The following ASPH variants were observed in gnomAD, a reference collection of about 807,000 sequenced individuals.
The protein encoded by ASPH is aspartyl/asparaginyl beta-hydroxylase.
Under a neutral mutation model 118.4 loss-of-function variants are expected in ASPH, and 100 were observed. That is an observed-to-expected ratio of 0.84 (90% CI 0.72 to 1.00). ASPH has a LOEUF of 1.00. Among genes scored for constraint, ASPH ranks in the 50% least tolerant of loss-of-function variants. The pLI, the probability that ASPH is intolerant of heterozygous loss-of-function variation, is 0.00. For synonymous variants in ASPH, 315 were observed against 325.6 expected, an observed-to-expected ratio of 0.97 and a Z score of 0.35; for missense variants, 920 against 919.5, an observed-to-expected ratio of 1.00 and a Z score of -0.01.
chr8:61,620,197 G>T (rs1228824638), intron 13 of ASPH, among the ~76,000 whole-genome samples: 1 of 152,198 alleles, frequency 6.6e-6, no homozygotes, highest in African/African-American at 2.4e-5. Flanking sequence ...GCCAGGCTAA[G>T]TGCTAAGCAC....
intron 21 of ASPH, among the ~76,000 whole-genome samples, chr8:61,545,386 GA>G (rs1435654196): frequency 1.3e-5 from 2 of 152,160 alleles, no homozygotes; most frequent in Admixed American, 6.5e-5. Context: ...ATAAGCCACC[GA>G]GTTTATGGCA....
chr8:61,591,802 A>G (rs1345736740), intron 14 of ASPH, among the ~76,000 whole-genome samples: 1 of 151,930 alleles, frequency 6.6e-6, no homozygotes, highest in Non-Finnish European at 1.5e-5. Flanking sequence ...ACTCTTAACC[A>G]TTTTGCTATA....
At chr8:61,673,831 C>T (rs1823870368) in intron 3 of ASPH, among the ~76,000 whole-genome samples, 1 of 152,114 alleles carries the variant, frequency 6.6e-6, no homozygotes, top group South Asian at 2.1e-4. Flanking sequence ...CACACACACA[C>T]ACACACAAGC....
At position 61,579,269 on chromosome 8, in the gene ASPH, C is replaced by A. The variant is rs551098053; in HGVS notation, c.1063-2411G>T. On this transcript the variant is annotated intron_variant, in intron 15 of 24. Coordinates refer to ENST00000379454, the MANE Select transcript of ASPH (RefSeq NM_004318.4). ...GAGAGCTGGCCATTAAGGATGCCAA[C>A]GCCAAGTTGTCCGAGCTGGAGGCTG... The A allele has an allele frequency of 7.4e-5, 120 of 1,614,014 alleles. No homozygotes were observed. In the African/African-American group the frequency reaches 1.4e-3, roughly 19 times the overall value.
At chr8:61,669,149 G>A (rs1285307351) in intron 3 of ASPH, among the ~76,000 whole-genome samples, 1 of 152,174 alleles carries the variant, frequency 6.6e-6, no homozygotes, top group Non-Finnish European at 1.5e-5. Context: ...GTGGTCACAA[G>A]AAAGTCCCCA....
At chr8:61,531,650 A>C (rs561127787) in intron 21 of ASPH, among the ~76,000 whole-genome samples, 2 of 152,068 alleles carry the variant, frequency 1.3e-5, no homozygotes, top group African/African-American at 2.4e-5. Flanking sequence ...GTTGATATAC[A>C]TCTTATAACT....
chr8:61,578,398 T>C (rs1836090666), intron 15 of ASPH: 3 of 1,604,522 alleles, frequency 1.9e-6, no homozygotes, highest in South Asian at 2.2e-5. Context: ...GCCAGCGGCA[T>C]GGGAGGCATC....
intron 14 of ASPH, among the ~76,000 whole-genome samples, chr8:61,611,908 A>G (rs1390512683): frequency 6.6e-6 from 1 of 152,220 alleles, no homozygotes; most frequent in Non-Finnish European, 1.5e-5. Context: ...ACACACCAAC[A>G]GTCCTCAGAA....
intron 19 of ASPH, 92 bp downstream of exon 19, chr8:61,555,832 G>T (rs897023667): frequency 1.8e-6 from 2 of 1,091,990 alleles, no homozygotes; most frequent in Non-Finnish European, 2.7e-6. Context: ...ACTCAGCAGT[G>T]CATGCAATCA....
chr8:61,561,707 T>G (rs1284432567), intron 18 of ASPH, among the ~76,000 whole-genome samples: 4 of 152,140 alleles, frequency 2.6e-5, no homozygotes, highest in Non-Finnish European at 5.9e-5. Context: ...GAGGGTCACT[T>G]GTGGCCAGGA....
intron 21 of ASPH, among the ~76,000 whole-genome samples, chr8:61,536,521 T>G (rs1242568622): frequency 2.0e-5 from 3 of 152,116 alleles, no homozygotes; most frequent in East Asian, 3.9e-4. Flanking sequence ...TCAGGCATGC[T>G]CTGAGTGGGG....
At chr8:61,522,351 GA>G (rs1374388746) in intron 22 of ASPH, among the ~76,000 whole-genome samples, 29 of 152,272 alleles carry the variant, frequency 1.9e-4, no homozygotes, top group Middle Eastern at 6.8e-3. Flanking sequence ...TCTGGAGGCT[GA>G]AAGTCCAAAA....
At chr8:61,622,358 CAAAA>C (rs1588214544) in intron 13 of ASPH, among the ~76,000 whole-genome samples, 1 of 152,234 alleles carries the variant, frequency 6.6e-6, no homozygotes, top group Middle Eastern at 3.4e-3. Flanking sequence ...AATAAACAAA[CAAAA>C]AACAGATATA....
intron 13 of ASPH, among the ~76,000 whole-genome samples, chr8:61,627,509 C>T (rs868486204): frequency 4.8e-4 from 73 of 152,124 alleles, no homozygotes; most frequent in African/African-American, 1.3e-3. Context: ...GTAACGGGTA[C>T]GAGTATATAT....
intron 18 of ASPH, 125 bp downstream of exon 18, chr8:61,562,619 A>G: frequency 1.0e-6 from 1 of 982,134 alleles, no homozygotes; most frequent in Non-Finnish European, 1.4e-6. Flanking sequence ...GAATATGTTA[A>G]CTATAATAAT....
intron 13 of ASPH, among the ~76,000 whole-genome samples, chr8:61,621,267 T>C (rs539949272): frequency 1.4e-4 from 21 of 149,752 alleles, no homozygotes; most frequent in Admixed American, 2.7e-4. Flanking sequence ...ACAGAGATAA[T>C]AGTAATACTT....
Position 61,500,907 on chromosome 8 carries a change from CT to C in ASPH, c.*2451del, listed in dbSNP as rs1259271609. 51 of 152,172 alleles carry C rather than the reference CT, an allele frequency of 3.4e-4. No individual in the cohort carries two copies. The highest frequency in any genetic ancestry group is 1.1e-3 in the African/African-American group (45 of 41,528). The allele number at this position is 152,172 out of a possible 1,614,324, so 9.4% of individuals were successfully genotyped here. A position where few individuals can be genotyped will look rare whatever the true frequency, so the allele number is the denominator to read the frequency against. ...ATTATTCAACTGGTCATAATCACCC[CT>C]GATAATATTATTACTAATCTTAATT... On this transcript the variant is annotated 3_prime_UTR_variant, in exon 25 of 25. Transcript: ENST00000379454.
chr8:61,549,472 G>T (rs974228852), intron 20 of ASPH, among the ~76,000 whole-genome samples: 1 of 152,130 alleles, frequency 6.6e-6, no homozygotes, highest in Non-Finnish European at 1.5e-5. Flanking sequence ...TATGAAAAAT[G>T]ATTTTCTTAT....
chr8:61,502,709 A>AC lies in ASPH; in HGVS notation c.*649_*650insG, dbSNP rs1421136633. 6.2e-4 allele frequency: 95 copies of AC among 152,326 alleles called. No homozygotes were observed. The highest frequency in any genetic ancestry group is 2.2e-3 in the African/African-American group (92 of 41,586). The allele number at this position is 152,326 out of a possible 1,614,324, so 9.4% of individuals were successfully genotyped here. A position where few individuals can be genotyped will look rare whatever the true frequency, so the allele number is the denominator to read the frequency against. On this transcript the variant is annotated 3_prime_UTR_variant, in exon 25 of 25. Coordinates refer to ENST00000379454, the MANE Select transcript of ASPH (RefSeq NM_004318.4). ...TAGTGAGAAGAGGATCTCAATCAAGATAAAAAAAACCAAACGATTTGAGAG... is the reference window on the plus strand; with the variant it reads ...TAGTGAGAAGAGGATCTCAATCAAGACTAAAAAAAACCAAACGATTTGAGAG...
Sources: gnomAD v4.1 joint callset for allele counts (sites outside exome capture counted in the v4.1 genomes callset) on GRCh38, gnomAD v4.1.1 for gene constraint, MANE v1.5 for transcripts, NCBI Gene and HGNC (gene_info 2026-07-23, HGNC 2026-07-21) for gene names.